The following ZNF571 variants were observed in gnomAD, a reference collection of about 807,000 sequenced individuals.
ZNF571 encodes zinc finger protein 571.
Under a neutral mutation model 7.7 loss-of-function variants are expected in ZNF571, and 4 were observed. The observed-to-expected ratio is 0.52, with a 90% confidence interval of 0.25 to 1.18. The LOEUF (loss-of-function observed/expected upper bound fraction) is 1.18, where lower values mean the gene tolerates loss of function less well. ZNF571 is among the 50% of genes most tolerant of loss of function. ZNF571 has a pLI of 0.14. For synonymous variants in ZNF571, 251 were observed against 232.4 expected (o/e 1.08, Z -0.73); for missense variants, 704 against 726.9 (o/e 0.97, Z 0.36).
At chr19:37,594,289 A>G (rs2147220159) in intron 1 of ZNF571, 1 of 152,364 alleles carries the variant, frequency 6.6e-6, no homozygotes, top group South Asian at 2.1e-4. Flanking sequence ...GTGTCACACG[A>G]GGAGTACTGC....
intron 3 of ZNF571, among the ~76,000 whole-genome samples, chr19:37,566,875 T>G (rs2042879171): frequency 6.6e-6 from 1 of 152,176 alleles, no homozygotes; most frequent in African/African-American, 2.4e-5. Context: ...TCCAAAGTCC[T>G]TAATATGGCT....
intron 2 of ZNF571, chr19:37,585,842 TGTAA>T (rs1397297182): frequency 6.6e-6 from 1 of 152,164 alleles, no homozygotes; most frequent in Non-Finnish European, 1.5e-5. Flanking sequence ...CCAATGTATT[TGTAA>T]GTGATAGAGG....
At chr19:37,584,125 A>T (rs2043575810) in intron 2 of ZNF571, 28 bp from the exon 3 acceptor site, 1 of 1,613,460 alleles carries the variant, frequency 6.2e-7, no homozygotes, top group Admixed American at 1.7e-5. Context: ...TTACAGGATG[A>T]TTCTACAGGA....
intron 1 of ZNF571, among the ~76,000 whole-genome samples, chr19:37,592,478 A>G (rs542160991): frequency 1.3e-5 from 2 of 152,322 alleles, no homozygotes; most frequent in Admixed American, 6.5e-5. Context: ...TGTAATACCT[A>G]TGAGTTTTTG....
At chr19:37,574,512 A>G (rs755037953) in intron 3 of ZNF571, among the ~76,000 whole-genome samples, 7 of 152,232 alleles carry the variant, frequency 4.6e-5, no homozygotes, top group Non-Finnish European at 8.8e-5. Flanking sequence ...TCATGCTTTA[A>G]CTACCTTAAG....
intron 3 of ZNF571, 63 bp from the exon 4 acceptor site, chr19:37,566,354 G>C: frequency 6.7e-7 from 1 of 1,502,798 alleles, no homozygotes; most frequent in South Asian, 1.3e-5. Context: ...AAATTCTATG[G>C]TAAAAATGAT....
chr19:37,577,004 C>G (rs2043264687), intron 3 of ZNF571, among the ~76,000 whole-genome samples: 1 of 152,062 alleles, frequency 6.6e-6, no homozygotes, highest in Admixed American at 6.6e-5. Context: ...TTAAAAGGTA[C>G]TAAACACAAG....
At chr19:37,583,894 T>G in intron 3 of ZNF571, 77 bp downstream of exon 3, 2 of 1,449,930 alleles carry the variant, frequency 1.4e-6, no homozygotes, top group Non-Finnish European at 1.9e-6. Flanking sequence ...CCTTAGGGAA[T>G]GGAGATCAGA....
chr19:37,573,668 CAAA>C (rs55763844), intron 3 of ZNF571, among the ~76,000 whole-genome samples: 1 of 88,130 alleles, frequency 1.1e-5, no homozygotes. Flanking sequence ...CTTGTGTCTA[CAAA>C]AAAAAAAAAA....
chr19:37,590,025 A>T (rs1352866857), intron 1 of ZNF571, among the ~76,000 whole-genome samples: 6 of 152,108 alleles, frequency 3.9e-5, no homozygotes, highest in South Asian at 2.1e-4. Flanking sequence ...GTTTTCCATT[A>T]AAAGAGACTA....
chr19:37,594,217 T>C (rs2043949419), intron 1 of ZNF571: 1 of 152,284 alleles, frequency 6.6e-6, no homozygotes, highest in Non-Finnish European at 1.5e-5. Flanking sequence ...AAGAGCCTCT[T>C]ACTCTGCAAA....
intron 2 of ZNF571, chr19:37,586,376 G>A (rs2043673888): frequency 4.6e-6 from 2 of 437,420 alleles, no homozygotes; most frequent in African/African-American, 2.0e-5. Flanking sequence ...TGGTACTAAT[G>A]TGTACCAATC....
chr19:37,570,224 T>C (rs113899629), intron 3 of ZNF571, among the ~76,000 whole-genome samples: 2 of 152,374 alleles, frequency 1.3e-5, no homozygotes, highest in African/African-American at 4.8e-5. Context: ...ACTAGGACTC[T>C]TATCCCATCC....
At chr19:37,574,444 AT>A (rs2043176057) in intron 3 of ZNF571, among the ~76,000 whole-genome samples, 2 of 152,214 alleles carry the variant, frequency 1.3e-5, no homozygotes, top group Non-Finnish European at 2.9e-5. Context: ...ATCTCCAAAA[AT>A]ATTATTCCCA....
At position 37,569,414 on chromosome 19, in the gene ZNF571, T is replaced by G. The variant is rs1018356556; in HGVS notation, c.137-3123A>C. Among the ~76,000 whole-genome samples the G allele has an allele frequency of 5.9e-5, 9 of 152,158 alleles. No homozygotes were observed. The highest frequency in any genetic ancestry group is 2.2e-4 in the African/African-American group (9 of 41,420). ...GCCTGCAAAAATTGGAGGGATAAAATCTAAACTCTTCTGCAGTATTTTTCA... is the reference window on the plus strand; with the variant it reads ...GCCTGCAAAAATTGGAGGGATAAAAGCTAAACTCTTCTGCAGTATTTTTCA... On this transcript the variant is annotated intron_variant, in intron 3 of 3. Transcript: ENST00000451802. The surrounding 1 kb of genome is among the most constrained non-coding windows in gnomAD (Gnocchi z 4.4).
chr19:37,571,941 A>C (rs1260902328), intron 3 of ZNF571, among the ~76,000 whole-genome samples: 2 of 152,252 alleles, frequency 1.3e-5, no homozygotes, highest in Non-Finnish European at 2.9e-5. Flanking sequence ...TATTAACCAG[A>C]ATGGAGAATT....
At position 37,584,034 on chromosome 19, in the gene ZNF571, G is replaced by C. The variant is rs764698175; in HGVS notation, c.73C>G (p.Pro25Ala). The C allele has an allele frequency of 1.2e-6, 2 of 1,614,066 alleles. No individual in the cohort carries two copies. Among genetic ancestry groups the C allele is most frequent in the South Asian group, 2.2e-5 (2 of 91,078 alleles). Residue 25 changes from proline to alanine, a missense_variant, in exon 3 of 4, where the codon CCT (proline) becomes GCT (alanine). Pro to Ala is a conservative substitution (Grantham distance 27, BLOSUM62 -1). Transcript: ENST00000451802. Reference sequence around the variant, plus strand: ...TCCCTGTACAAGTCCCTCTGAGCAGGGTCCAGGCATTCCCATTCCTCCTGA... The same window carrying C: ...TCCCTGTACAAGTCCCTCTGAGCAGCGTCCAGGCATTCCCATTCCTCCTGA... ...FSQEEWECLD[P>A]AQRDLYRDVM...
chr19:37,574,736 G>T (rs1326432105), intron 3 of ZNF571, among the ~76,000 whole-genome samples: 4 of 152,000 alleles, frequency 2.6e-5, no homozygotes, highest in Non-Finnish European at 5.9e-5. Context: ...ACTTCCAAAT[G>T]ATAGTTTCAA....
chr19:37,567,473 G>A (rs1014529158), intron 3 of ZNF571: 4 of 152,074 alleles, frequency 2.6e-5, no homozygotes, highest in African/African-American at 9.7e-5. Flanking sequence ...GCCCCTTTAC[G>A]ATCCAGTTCT....
Sources: allele counts gnomAD v4.1 joint callset (sites outside exome capture counted in the v4.1 genomes callset), GRCh38; gene constraint gnomAD v4.1.1; non-coding constraint Gnocchi (gnomAD v3.1); transcripts MANE v1.5; gene names NCBI Gene and HGNC (gene_info 2026-07-23, HGNC 2026-07-21).